ZNF442: variants seen among roughly 807,000 people sequenced by gnomAD.
ZNF442 encodes the protein zinc finger protein 442.
In ZNF442, 45 loss-of-function variants were observed where a neutral mutation model predicts 57.0. That is an observed-to-expected ratio of 0.79 (90% confidence interval 0.62 to 1.01). ZNF442 has a LOEUF of 1.01. Ranked by LOEUF, ZNF442 falls within the 50% of genes least tolerant of loss-of-function variation. ZNF442 has a pLI of 0.00. For synonymous variants in ZNF442, 213 were observed against 241.8 expected, an observed-to-expected ratio of 0.88 and a Z score of 1.10; for missense variants, 690 against 756.5, an observed-to-expected ratio of 0.91 and a Z score of 1.03.
At chr19:12,368,169 T>C (rs1401673080), upstream of ZNF442, among the ~76,000 whole-genome samples, 1 of 152,198 alleles carries the variant, frequency 6.6e-6, no homozygotes, top group Non-Finnish European at 1.5e-5. Context: ...TGCACTGATT[T>C]CATATCATTC....
chr19:12,360,824 A>T (rs1380666235), intron 3 of ZNF442, among the ~76,000 whole-genome samples: 1 of 152,170 alleles, frequency 6.6e-6, no homozygotes, highest in Admixed American at 6.5e-5. Context: ...TGCTCGCAGT[A>T]AGCCAAGATT....
upstream of ZNF442, among the ~76,000 whole-genome samples, chr19:12,369,915 A>C (rs1278294088): frequency 2.0e-5 from 3 of 151,670 alleles, no homozygotes; most frequent in Non-Finnish European, 2.9e-5. Context: ...AAAAAAAAAA[A>C]ACACGACGAG....
At chr19:12,362,869 A>G (rs1391383321) in intron 3 of ZNF442, among the ~76,000 whole-genome samples, 2 of 150,554 alleles carry the variant, frequency 1.3e-5, no homozygotes, top group African/African-American at 5.0e-5. Flanking sequence ...TACTAAGAAA[A>G]ATTCTTCTGC....
rs769610141 is a variant in ZNF442, at chr19:12,351,215, T to G, written c.370A>C (p.Ile124Leu). 6 of 1,614,194 alleles carry G rather than the reference T, an allele frequency of 3.7e-6. No homozygotes were observed. Among genetic ancestry groups the G allele is most frequent in the Non-Finnish European group, 5.1e-6 (6 of 1,180,034 alleles). Residue 124 changes from isoleucine to leucine, a missense_variant, in exon 6 of 6, where the codon ATC becomes CTC. Coordinates refer to ENST00000242804, the MANE Select transcript of ZNF442 (RefSeq NM_030824.3). Reference sequence around the variant, plus strand: ...CAATTAAGGAATGAACAACCCATGATTTCTCCACACACACTGCTTTTACAT... The same window carrying G: ...CAATTAAGGAATGAACAACCCATGAGTTCTCCACACACACTGCTTTTACAT... ...DPCKSSVCGE[I>L]MGCSFLNCYI...
rs1969242634 is a variant in ZNF442 at position 12,351,785 on chromosome 19, G to A, written c.266+225C>T. 1.9e-5 allele frequency: 9 copies of A among 463,238 alleles called. No homozygotes were observed. In the East Asian group the frequency reaches 2.9e-4, roughly 15 times the overall value. 28.7% of individuals were successfully genotyped at this position (463,238 alleles called of 1,614,324 possible). On this transcript the variant is annotated intron_variant, in intron 5 of 5. Transcript: ENST00000242804. Reference sequence around the variant, plus strand: ...CCCAAAGTGCTGGGATTACAGGCGTGAGCCACCGTGCCCAGCCGAATTCTT... The same window carrying A: ...CCCAAAGTGCTGGGATTACAGGCGTAAGCCACCGTGCCCAGCCGAATTCTT...
At position 12,349,336 on chromosome 19, in the gene ZNF442, AT is replaced by A. The variant is rs1257322705; in HGVS notation, c.*364del. On this transcript the variant is annotated 3_prime_UTR_variant, in exon 6 of 6. Transcript: ENST00000242804. Reference sequence around the variant, plus strand: ...ATCACGATTCTCTAAAAAAAATACAATAAAATGACTGTTTACATAGCTTTTA... The same window carrying A: ...ATCACGATTCTCTAAAAAAAATACAAAAAATGACTGTTTACATAGCTTTTA... The A allele has an allele frequency of 2.9e-5, 5 of 173,960 alleles. No individual in the cohort carries two copies. The highest frequency in any genetic ancestry group is 6.1e-5 in the Non-Finnish European group (5 of 81,828). 10.8% of individuals were successfully genotyped at this position (173,960 alleles called of 1,614,324 possible). A position where few individuals can be genotyped will look rare whatever the true frequency, so the allele number is the denominator to read the frequency against.
At chr19:12,371,330 C>T in the ZNF442 span, among the ~76,000 whole-genome samples, 1 of 152,136 alleles carries the variant, frequency 6.6e-6, no homozygotes, top group Non-Finnish European at 1.5e-5. Context: ...AATCTATTAT[C>T]ACAAGACTGT....
chr19:12,363,684 A>G lies in ZNF442; in HGVS notation c.-40-13T>C. ...CAAGGAATGGAAACTGGGGTTGGGG[A>G]AGAACAAGGTGATTGTCCCAAGGGT... On this transcript the variant is annotated splice_polypyrimidine_tract_variant and intron_variant, in intron 2 of 5. Coordinates refer to ENST00000242804, the MANE Select transcript of ZNF442 (RefSeq NM_030824.3). 6.6e-7 allele frequency: 1 copy of G among 1,523,580 alleles called. No individual in the cohort carries two copies. The highest frequency in any genetic ancestry group is 9.1e-7 in the Non-Finnish European group (1 of 1,097,706). 94.4% of individuals were successfully genotyped at this position (1,523,580 alleles called of 1,614,324 possible). A position where few individuals can be genotyped will look rare whatever the true frequency, so the allele number is the denominator to read the frequency against.
chr19:12,350,043 T>G lies in ZNF442; in HGVS notation c.1542A>C (p.Lys514Asn). Reference protein sequence around the residue: ...SQHRRTHMAEKPYECKTCKKA... With the variant: ...SQHRRTHMAENPYECKTCKKA... ...TCTTACATGTTTTACATTCATAAGG[T>G]TTTTCAGCCATGTGAGTCCTTCTAT... Residue 514 changes from lysine to asparagine, a missense_variant, in exon 6 of 6, where the codon AAA becomes AAC. Lys to Asn is a moderately conservative substitution (Grantham distance 94). Coordinates refer to ENST00000242804, the MANE Select transcript of ZNF442 (RefSeq NM_030824.3). 3 of 1,613,834 alleles carry G rather than the reference T, an allele frequency of 1.9e-6. No individual in the cohort carries two copies. The highest frequency in any genetic ancestry group is 2.5e-6 in the Non-Finnish European group (3 of 1,179,986).
upstream of ZNF442, among the ~76,000 whole-genome samples, chr19:12,368,179 C>T (rs1412731315): frequency 6.6e-6 from 1 of 152,108 alleles, no homozygotes; most frequent in Non-Finnish European, 1.5e-5. Context: ...TCATATCATT[C>T]AAATACAAAT....
chr19:12,366,639 TA>T (rs1969534700), upstream of ZNF442, among the ~76,000 whole-genome samples: 1 of 152,178 alleles, frequency 6.6e-6, no homozygotes, highest in South Asian at 2.1e-4. Context: ...ATTTTTATTT[TA>T]TTTTTTTGGA....
rs748194603 is a variant in ZNF442 at position 12,350,407 on chromosome 19, C to T, written c.1178G>A (p.Arg393Gln). ...GKALSHHSSF[R>Q]SHMIMHTGDG... ...TCCAGTGTGCATTATCATATGACTTCGAAAGCTTGAGTGATGAGATAACGC... is the reference window on the plus strand; with the variant it reads ...TCCAGTGTGCATTATCATATGACTTTGAAAGCTTGAGTGATGAGATAACGC... The change falls in exon 6 of 6, where the codon CGA (arginine) becomes CAA (glutamine). Residue 393 changes from arginine to glutamine, a missense_variant. Coordinates refer to ENST00000242804, the MANE Select transcript of ZNF442 (RefSeq NM_030824.3). The T allele has an allele frequency of 1.7e-5, 27 of 1,613,012 alleles. No individual in the cohort carries two copies. The highest frequency in any genetic ancestry group is 1.3e-4 in the East Asian group (6 of 44,826).
chr19:12,364,418 A>AAAAG (rs1555756630), intron 2 of ZNF442, among the ~76,000 whole-genome samples: 2 of 151,840 alleles, frequency 1.3e-5, no homozygotes, highest in African/African-American at 4.8e-5. Context: ...AAAAAAAAAA[A>AAAAG]AAAGAAAGAA....
intron 3 of ZNF442, among the ~76,000 whole-genome samples, chr19:12,362,034 C>T (rs1349097416): frequency 2.0e-5 from 3 of 152,212 alleles, no homozygotes; most frequent in Non-Finnish European, 4.4e-5. Flanking sequence ...CAATGTTGCC[C>T]AGGCTGGAGT....
intron 3 of ZNF442, among the ~76,000 whole-genome samples, chr19:12,358,402 C>T (rs534860186): frequency 2.0e-4 from 31 of 152,196 alleles, no homozygotes; most frequent in Non-Finnish European, 3.7e-4. Flanking sequence ...TGAATAGTAT[C>T]CCAATGAGTA....
intron 3 of ZNF442, among the ~76,000 whole-genome samples, chr19:12,353,656 G>T (rs1969280238): frequency 6.6e-6 from 1 of 152,118 alleles, no homozygotes; most frequent in Non-Finnish European, 1.5e-5. Context: ...TACATGCTCA[G>T]CAGTGGGAGC....
At position 12,350,431 on chromosome 19, in the gene ZNF442, G is replaced by T; in HGVS notation, c.1154C>A (p.Ala385Glu). Reference protein sequence around the residue: ...KPYECKQCGKALSHHSSFRSH... With the variant: ...KPYECKQCGKELSHHSSFRSH... ...TCGAAAGCTTGAGTGATGAGATAAC[G>T]CTTTCCCACACTGCTTGCATTCATA... Residue 385 changes from alanine to glutamate, a missense_variant, in exon 6 of 6, where the codon GCG (alanine) becomes GAG (glutamate). Ala to Glu is a moderately radical substitution (Grantham distance 107, BLOSUM62 -1). Transcript: ENST00000242804. The T allele has an allele frequency of 6.2e-7, 1 of 1,613,756 alleles. No homozygotes were observed. Among genetic ancestry groups the T allele is most frequent in the Non-Finnish European group, 8.5e-7 (1 of 1,179,932 alleles).
chr19:12,355,041 T>C (rs903170876), intron 3 of ZNF442, among the ~76,000 whole-genome samples: 2 of 151,934 alleles, frequency 1.3e-5, no homozygotes, highest in African/African-American at 4.8e-5. Context: ...CCTGTAATCC[T>C]AGCACTTTGG....
In ZNF442 at chr19:12,351,325, A is replaced by C; in HGVS notation, c.267-7T>G. 1 of 1,603,214 alleles carries C rather than the reference A, an allele frequency of 6.2e-7. No individual in the cohort carries two copies. On this transcript the variant is annotated splice_polypyrimidine_tract_variant and splice_region_variant and intron_variant, in intron 5 of 5. Coordinates refer to ENST00000242804, the MANE Select transcript of ZNF442 (RefSeq NM_030824.3). Reference sequence around the variant, plus strand: ...TCTCTCTATGATATGACATCTGTAAAACATGAGAAGTATATTAATAAAGGT... The same window carrying C: ...TCTCTCTATGATATGACATCTGTAACACATGAGAAGTATATTAATAAAGGT...
Sources: gnomAD v4.1 joint callset for allele counts (sites outside exome capture counted in the v4.1 genomes callset) on GRCh38, gnomAD v4.1.1 for gene constraint, MANE v1.5 for transcripts, NCBI Gene and HGNC (gene_info 2026-07-23, HGNC 2026-07-21) for gene names.